Variants in OCA2 observed in about 807,000 individuals in gnomAD.
OCA2 encodes P protein.
In OCA2, 77 loss-of-function variants were observed where a neutral mutation model predicts 100.2. That is an observed-to-expected ratio of 0.77 (90% CI 0.64 to 0.93). OCA2 has a LOEUF of 0.93. Ranked by LOEUF, OCA2 falls within the 40% of genes least tolerant of loss-of-function variation. The pLI is 0.00. For missense variants in OCA2, 1,062 were observed against 1,089.1 expected, an observed-to-expected ratio of 0.98 and a Z score of 0.35; for synonymous variants, 432 against 439.2, an observed-to-expected ratio of 0.98 and a Z score of 0.21.
intron 23 of OCA2, among the ~76,000 whole-genome samples, chr15:27,813,632 AG>A (rs1435897131): frequency 6.6e-6 from 1 of 152,212 alleles, no homozygotes; most frequent in Admixed American, 6.5e-5. Flanking sequence ...TTCCACTAGG[AG>A]GAAGTATCCA....
At chr15:27,765,194 T>A (rs73370365) in intron 23 of OCA2, among the ~76,000 whole-genome samples, 6,250 of 152,070 alleles carry the variant, frequency 0.041, 429 homozygotes, top group African/African-American at 0.14. Flanking sequence ...ACTGACTGAG[T>A]GCTCAGGTTC....
intron 23 of OCA2, among the ~76,000 whole-genome samples, chr15:27,824,921 G>A: frequency 6.6e-6 from 1 of 151,946 alleles, no homozygotes; most frequent in Non-Finnish European, 1.5e-5. Context: ...GCTAGTCACA[G>A]GGGGCATAGG....
chr15:27,857,657 GA>G (rs995350911), intron 21 of OCA2, among the ~76,000 whole-genome samples: 1 of 151,476 alleles, frequency 6.6e-6, no homozygotes, highest in African/African-American at 2.4e-5. Context: ...GAAAGTAAAA[GA>G]AAAAAAATAA....
intron 14 of OCA2, among the ~76,000 whole-genome samples, chr15:27,971,151 G>T (rs1030246312): frequency 1.4e-5 from 2 of 147,594 alleles, no homozygotes; most frequent in Non-Finnish European, 3.0e-5. Context: ...ATGGGAAAAC[G>T]TGAAGAACGC....
At chr15:27,972,412 G>A (rs2040820971) in intron 14 of OCA2, among the ~76,000 whole-genome samples, 1 of 152,128 alleles carries the variant, frequency 6.6e-6, no homozygotes, top group Non-Finnish European at 1.5e-5. Flanking sequence ...TTAGTTCATT[G>A]AGAAATCTCC....
the OCA2 span, among the ~76,000 whole-genome samples, chr15:27,741,135 G>T: frequency 6.6e-6 from 1 of 152,132 alleles, no homozygotes; most frequent in African/African-American, 2.4e-5. Context: ...CCCTCACCAA[G>T]ACAAAATGTC....
At chr15:27,894,730 G>A (rs1166576735) in intron 19 of OCA2, among the ~76,000 whole-genome samples, 1 of 152,166 alleles carries the variant, frequency 6.6e-6, no homozygotes, top group African/African-American at 2.4e-5. Flanking sequence ...CCCACAGGTG[G>A]CATTGTGACA....
intron 23 of OCA2, among the ~76,000 whole-genome samples, chr15:27,789,316 CTTTTG>C (rs983936873): frequency 6.0e-5 from 9 of 149,698 alleles, no homozygotes; most frequent in Non-Finnish European, 1.0e-4. Context: ...CTGAGTCTTT[CTTTTG>C]TTTTGTTTTA....
intron 18 of OCA2, among the ~76,000 whole-genome samples, chr15:27,926,745 T>G (rs533670093): frequency 6.6e-6 from 1 of 152,142 alleles, no homozygotes; most frequent in Non-Finnish European, 1.5e-5. Flanking sequence ...CCCAAGTAGC[T>G]GGGATTACAG....
At chr15:28,065,972 T>C (rs2044011114) in intron 2 of OCA2, among the ~76,000 whole-genome samples, 1 of 152,160 alleles carries the variant, frequency 6.6e-6, no homozygotes, top group Non-Finnish European at 1.5e-5. Flanking sequence ...TATAAAACTG[T>C]CTTTATTCAC....
At chr15:27,961,035 A>T (rs1386433856) in intron 15 of OCA2, among the ~76,000 whole-genome samples, 1 of 152,168 alleles carries the variant, frequency 6.6e-6, no homozygotes, top group African/African-American at 2.4e-5. Flanking sequence ...ATGGCAGAAA[A>T]TTTTTGTAAT....
the OCA2 span, among the ~76,000 whole-genome samples, chr15:27,742,441 G>A: frequency 6.6e-6 from 1 of 152,166 alleles, no homozygotes; most frequent in South Asian, 2.1e-4. Context: ...GAAGGGCCAT[G>A]TGGGAGGGGG....
intron 21 of OCA2, among the ~76,000 whole-genome samples, chr15:27,866,374 C>A (rs1275647677): frequency 1.3e-5 from 2 of 152,162 alleles, no homozygotes; most frequent in Non-Finnish European, 2.9e-5. Flanking sequence ...GAGGGAGGTG[C>A]ACAGCTAGGG....
At chr15:27,737,385 C>T in the OCA2 span, among the ~76,000 whole-genome samples, 2 of 152,200 alleles carry the variant, frequency 1.3e-5, no homozygotes, top group Non-Finnish European at 2.9e-5. Flanking sequence ...GGAAGGCTTA[C>T]ACCTCAGCAT....
intron 23 of OCA2, among the ~76,000 whole-genome samples, chr15:27,811,885 T>A (rs1380864709): frequency 2.0e-5 from 3 of 152,194 alleles, no homozygotes; most frequent in African/African-American, 7.2e-5. Flanking sequence ...GGGCCCCTGT[T>A]CGCAAGCCCA....
At chr15:27,916,981 A>G (rs1360620070) in intron 19 of OCA2, among the ~76,000 whole-genome samples, 1 of 152,070 alleles carries the variant, frequency 6.6e-6, no homozygotes, top group East Asian at 1.9e-4. Flanking sequence ...AGCAGATGCA[A>G]AACGAGAGAT....
At chr15:27,786,937 C>T (rs1177098087) in intron 23 of OCA2, among the ~76,000 whole-genome samples, 2 of 152,078 alleles carry the variant, frequency 1.3e-5, no homozygotes, top group African/African-American at 4.8e-5. Flanking sequence ...ACAGCCTTTA[C>T]CAGGCTGGGG....
intron 19 of OCA2, among the ~76,000 whole-genome samples, chr15:27,913,892 AAAGCAAGCAAGCAAGCAAGCAAGC>A (rs201142354): frequency 2.7e-5 from 1 of 37,430 alleles, no homozygotes; most frequent in African/African-American, 1.4e-4. Context: ...AGAAAGAAAG[AAAGCAAGCAAGCAAGCAAGCAAGC>A]AAGCAAGCAA....
At chr15:28,027,847 G>T (rs770396943) in intron 4 of OCA2, 24 bp downstream of exon 4, 1 of 1,611,074 alleles carries the variant, frequency 6.2e-7, no homozygotes, top group Non-Finnish European at 8.5e-7. Context: ...CTGCTGCCAG[G>T]GTGGGCACCC....
Sources: allele counts gnomAD v4.1 joint callset (sites outside exome capture counted in the v4.1 genomes callset), GRCh38; gene constraint gnomAD v4.1.1; transcripts MANE v1.5; gene names NCBI Gene and HGNC (gene_info 2026-07-23, HGNC 2026-07-21).